Variants in FAM83D observed in about 807,000 individuals in gnomAD.
FAM83D encodes the protein scaffolding CK1 anchoring protein D.
Under a neutral mutation model 25.4 loss-of-function variants are expected in FAM83D, and 26 were observed. The observed-to-expected ratio is 1.02, with a 90% CI of 0.75 to 1.42. The LOEUF (loss-of-function observed/expected upper bound fraction) is 1.42. Ranked by LOEUF, FAM83D falls within the 40% of genes most tolerant of loss-of-function variation. FAM83D has a pLI of 0.00. For synonymous variants in FAM83D, 310 were observed against 318.5 expected (o/e 0.97, Z 0.28); for missense variants, 740 against 758.1 (o/e 0.98, Z 0.28).
intron 3 of FAM83D, among the ~76,000 whole-genome samples, chr20:38,950,343 C>T (rs1175639165): frequency 6.6e-6 from 1 of 152,110 alleles, no homozygotes; most frequent in Non-Finnish European, 1.5e-5. Flanking sequence ...CATGCCTGCC[C>T]CTATTGTGGT....
At chr20:38,951,501 C>G (rs1396092024) in intron 3 of FAM83D, 38 bp from the exon 4 acceptor site, 1 of 1,581,296 alleles carries the variant, frequency 6.3e-7, no homozygotes, top group Non-Finnish European at 8.6e-7. Flanking sequence ...AATTGCTCAT[C>G]CTTACCAGCT....
At chr20:38,944,710 C>T (rs1279857783) in intron 2 of FAM83D, among the ~76,000 whole-genome samples, 4 of 152,078 alleles carry the variant, frequency 2.6e-5, no homozygotes, top group African/African-American at 9.7e-5. Flanking sequence ...GAGGCCGAGG[C>T]GGGTGGATCA....
rs763777625 is a variant in FAM83D at position 38,926,835 on chromosome 20, C to A, written c.393C>A (p.Val131=). The part of the protein sequence containing the change: ...YQGAYRGATR[V]ETHFQPRGAG... ...GCGCCTACCGCGGCGCCACGCGTGT[C>A]GAGACGCACTTCCAGCCCCGCGGCG... The change falls in exon 1 of 4, where the codon GTC becomes GTA. Residue 131 remains valine (V), a synonymous_variant. Coordinates refer to ENST00000619850, the MANE Select transcript of FAM83D (RefSeq NM_030919.3). 5.2e-6 allele frequency: 8 copies of A among 1,533,780 alleles called. No homozygotes were observed. In the Admixed American group the frequency reaches 1.6e-4, roughly 30 times the overall value.
At chr20:38,951,319 T>G (rs539607035) in intron 3 of FAM83D, among the ~76,000 whole-genome samples, 5 of 152,314 alleles carry the variant, frequency 3.3e-5, no homozygotes, top group African/African-American at 1.2e-4. Flanking sequence ...GCATTTAGTG[T>G]GTTTGTTAAA....
rs973345415 is a variant in FAM83D at position 38,926,676 on chromosome 20, G to A, written c.234G>A (p.Glu78=). The part of the protein sequence containing the change: ...ILRAAERPGE[E]GAAAAAAAED... ...GCGCGGCGGAGAGGCCGGGAGAGGA[G>A]GGCGCGGCGGCGGCGGCGGCGGCCG... Residue 78 remains glutamate, a synonymous_variant, in exon 1 of 4, where the codon GAG becomes GAA. Transcript: ENST00000619850. The A allele has an allele frequency of 3.9e-6, 6 of 1,524,406 alleles. No individual in the cohort carries two copies. The highest frequency in any genetic ancestry group is 5.3e-6 in the Non-Finnish European group (6 of 1,141,702). The allele number at this position is 1,524,406 out of a possible 1,614,324, so 94.4% of individuals were successfully genotyped here.
intron 2 of FAM83D, among the ~76,000 whole-genome samples, chr20:38,942,638 T>C (rs1439468608): frequency 1.3e-5 from 2 of 151,960 alleles, no homozygotes; most frequent in Non-Finnish European, 2.9e-5. Flanking sequence ...GGCTGGGGAG[T>C]TGGGGGAAGG....
At chr20:38,949,315 A>G (rs905613784) in intron 3 of FAM83D, among the ~76,000 whole-genome samples, 1 of 151,732 alleles carries the variant, frequency 6.6e-6, no homozygotes. Context: ...GCATGCCACC[A>G]TGACTGGCTA....
chr20:38,926,801 T>C lies in FAM83D; in HGVS notation c.359T>C (p.Phe120Ser). 6.5e-7 allele frequency: 1 copy of C among 1,543,086 alleles called. No homozygotes were observed. Reference sequence around the variant, plus strand: ...CTGTTGGAGCTTGGCTGGCCCGCCTTCTACCAGGGCGCCTACCGCGGCGCC... The same window carrying C: ...CTGTTGGAGCTTGGCTGGCCCGCCTCCTACCAGGGCGCCTACCGCGGCGCC... ...PPLLELGWPA[F>S]YQGAYRGATR... Residue 120 changes from phenylalanine to serine, a missense_variant, in exon 1 of 4, where the codon TTC becomes TCC. Transcript: ENST00000619850.
chr20:38,939,103 C>T (rs572911661), intron 1 of FAM83D, among the ~76,000 whole-genome samples: 4 of 152,302 alleles, frequency 2.6e-5, no homozygotes, highest in African/African-American at 7.2e-5. Flanking sequence ...GCATGCTGTA[C>T]GTTCCAGCCA....
At position 38,949,694 on chromosome 20, in the gene FAM83D, A is replaced by G. The variant is rs541553824; in HGVS notation, c.776+1694A>G. On this transcript the variant is annotated intron_variant, in intron 3 of 3. Transcript: ENST00000619850. ...AACCCGGAAGGAAGCATAGAAAGGT[A>G]CAGTTGGTTTTCAGTTCATCTTGAC... Among the ~76,000 whole-genome samples the G allele has an allele frequency of 1.8e-3, 271 of 152,348 alleles. 3 individuals are homozygous for G. Among genetic ancestry groups the G allele is most frequent in the Non-Finnish European group, 5.9e-4 (40 of 68,028 alleles).
intron 1 of FAM83D, among the ~76,000 whole-genome samples, chr20:38,927,750 C>G (rs1290133465): frequency 1.3e-5 from 2 of 152,068 alleles, no homozygotes; most frequent in Non-Finnish European, 2.9e-5. Flanking sequence ...CCACCCGCCT[C>G]GGCCTCCCAA....
intron 3 of FAM83D, among the ~76,000 whole-genome samples, chr20:38,949,025 G>C (rs974662653): frequency 1.3e-5 from 2 of 152,114 alleles, no homozygotes; most frequent in African/African-American, 4.8e-5. Flanking sequence ...AGCTACAAAT[G>C]GACTTTTGCT....
Position 38,951,601 on chromosome 20 carries a change from T to C in FAM83D, c.839T>C (p.Val280Ala), listed in dbSNP as rs1439235343. 6.2e-7 allele frequency: 1 copy of C among 1,614,072 alleles called. No homozygotes were observed. Among genetic ancestry groups the C allele is most frequent in the East Asian group, 2.2e-5 (1 of 44,886 alleles). Reference sequence around the variant, plus strand: ...TTGGTAATTCTGTCTGGCCAAGTGGTTGAACACTTTGATCTGGAGTTCCGA... The same window carrying C: ...TTGGTAATTCTGTCTGGCCAAGTGGCTGAACACTTTGATCTGGAGTTCCGA... Reference protein sequence around the residue: ...SNLVILSGQVVEHFDLEFRIL... With the variant: ...SNLVILSGQVAEHFDLEFRIL... Residue 280 changes from valine (V) to alanine (A), a missense_variant, in exon 4 of 4, where the codon GTT (valine) becomes GCT (alanine). By Grantham distance (64) the Val-to-Ala change is moderately conservative. Around this residue, in one of 3 missense-constraint regions of FAM83D, gnomAD observed 375 missense variants for 403.2 expected, o/e 0.93. Transcript: ENST00000619850.
At position 38,952,594 on chromosome 20, in the gene FAM83D, T is replaced by A; in HGVS notation, c.*74T>A. On this transcript the variant is annotated 3_prime_UTR_variant, in exon 4 of 4. Coordinates refer to ENST00000619850, the MANE Select transcript of FAM83D (RefSeq NM_030919.3). ...CATCAGCTTCCTGCTTTAAAAAATA[T>A]CTTATGTCCCTAATTGCCTTTCTTT... 1 of 1,488,606 alleles carries A rather than the reference T, an allele frequency of 6.7e-7. No homozygotes were observed. The highest frequency in any genetic ancestry group is 9.1e-7 in the Non-Finnish European group (1 of 1,103,732). The allele number at this position is 1,488,606 out of a possible 1,614,324, so 92.2% of individuals were successfully genotyped here. A position where few individuals can be genotyped will look rare whatever the true frequency, so the allele number is the denominator to read the frequency against.
intron 1 of FAM83D, among the ~76,000 whole-genome samples, chr20:38,928,733 C>G (rs2085646913): frequency 6.6e-6 from 1 of 152,198 alleles, no homozygotes. Context: ...GCCAGGAGCT[C>G]AGACTCTCCC....
chr20:38,939,551 G>A (rs2085692822), intron 1 of FAM83D, among the ~76,000 whole-genome samples: 1 of 151,970 alleles, frequency 6.6e-6, no homozygotes, highest in East Asian at 1.9e-4. Context: ...GGGTTTTACC[G>A]TGTTGGCCGG....
rs527737787 is a variant in FAM83D at position 38,933,568 on chromosome 20, C to T, written c.483+6643C>T. Among the ~76,000 whole-genome samples the T allele has an allele frequency of 3.3e-4, 51 of 152,270 alleles. 1 individual carries two copies. The highest frequency in any genetic ancestry group is 3.4e-3 in the Middle Eastern group (1 of 294). On this transcript the variant is annotated intron_variant, in intron 1 of 3. Transcript: ENST00000619850. ...GGACTGAAGTGTTGCTACTATTTAT[C>T]CCTTCCTTTTGATTTCATGTGTCAG...
chr20:38,946,666 G>A (rs1385877140), intron 2 of FAM83D, among the ~76,000 whole-genome samples: 1 of 152,156 alleles, frequency 6.6e-6, no homozygotes, highest in Non-Finnish European at 1.5e-5. Context: ...TTTTGTAAAT[G>A]GAATTATACA....
intron 1 of FAM83D, among the ~76,000 whole-genome samples, chr20:38,928,295 A>G (rs1195685258): frequency 6.6e-6 from 1 of 151,878 alleles, no homozygotes; most frequent in East Asian, 1.9e-4. Context: ...CCAAGCCCCG[A>G]CTCTCACCAA....
Sources: gnomAD v4.1 joint callset for allele counts (sites outside exome capture counted in the v4.1 genomes callset) on GRCh38, gnomAD v4.1.1 for gene constraint, gnomAD v4.1.1 regional missense constraint, MANE v1.5 for transcripts, NCBI Gene and HGNC (gene_info 2026-07-23, HGNC 2026-07-21) for gene names.